Variants in ATP6V1A observed in about 807,000 individuals in gnomAD.
The protein encoded by ATP6V1A is V-type proton ATPase catalytic subunit A.
A neutral mutation model predicts 70.1 loss-of-function variants in ATP6V1A; 18 were observed. The ratio of observed to expected loss-of-function variants is 0.26; its 90% CI spans 0.18 to 0.38. ATP6V1A has a LOEUF of 0.38. ATP6V1A is among the 10% of genes least tolerant of loss of function. The pLI is 1.00. For missense variants in ATP6V1A, 424 were observed against 772.4 expected, an observed-to-expected ratio of 0.55 and a Z score of 5.35; for synonymous variants, 232 against 253.8, an observed-to-expected ratio of 0.91 and a Z score of 0.82.
intron 12 of ATP6V1A, among the ~76,000 whole-genome samples, chr3:113,801,827 A>T (rs556518142): frequency 6.6e-6 from 1 of 151,118 alleles, no homozygotes; most frequent in East Asian, 1.9e-4. Context: ...TAAAATATAT[A>T]TTTTACATGA....
intron 1 of ATP6V1A, among the ~76,000 whole-genome samples, chr3:113,751,936 G>A (rs1356443988): frequency 6.6e-6 from 1 of 151,600 alleles, no homozygotes; most frequent in East Asian, 1.9e-4. Context: ...AAAATTAATG[G>A]TATATCATAA....
At chr3:113,785,208 G>A (rs542098793) in intron 5 of ATP6V1A, among the ~76,000 whole-genome samples, 38 of 152,306 alleles carry the variant, frequency 2.5e-4, no homozygotes, top group Middle Eastern at 3.4e-3. Flanking sequence ...TTGGGAGGGC[G>A]AGATGGGCAG....
chr3:113,765,505 G>A (rs1708757930), intron 1 of ATP6V1A, among the ~76,000 whole-genome samples: 1 of 152,104 alleles, frequency 6.6e-6, no homozygotes, highest in Admixed American at 6.6e-5. Flanking sequence ...TTGGGAGGCT[G>A]AGGCAGGAAG....
intron 5 of ATP6V1A, 111 bp downstream of exon 5, chr3:113,784,944 G>T: frequency 8.6e-7 from 1 of 1,164,498 alleles, no homozygotes; most frequent in Non-Finnish European, 1.2e-6. Context: ...CATAAGTTTT[G>T]AGTAACTCCT....
At position 113,786,241 on chromosome 3, in the gene ATP6V1A, T is replaced by G. The variant is rs772767526; in HGVS notation, c.574T>G (p.Leu192Val). The G allele has an allele frequency of 1.9e-6, 3 of 1,608,066 alleles. No homozygotes were observed. The East Asian group carries it at 6.7e-5, about 36-fold the overall frequency. The change falls in exon 6 of 15, where the codon TTG becomes GTG. Residue 192 changes from leucine to valine, a missense_variant. By Grantham distance (32) the Leu-to-Val change is conservative. Transcript: ENST00000273398. ...TACTGTATTTCTATAGGATGTTGTC[T>G]TGGAGCTTGAATTTGAAGGTGTAAA... Reference protein sequence around the residue: ...PGNYDTSDVVLELEFEGVKEK... With the variant: ...PGNYDTSDVVVELEFEGVKEK...
intron 14 of ATP6V1A, among the ~76,000 whole-genome samples, chr3:113,808,033 G>A (rs562943058): frequency 6.6e-6 from 1 of 151,834 alleles, no homozygotes; most frequent in African/African-American, 2.4e-5. Flanking sequence ...AGGAGGCTGA[G>A]GCAGGAGAAT....
Position 113,796,063 on chromosome 3 carries a change from T to C in ATP6V1A, c.1290+124T>C, listed in dbSNP as rs1356966750. ...AATTTAGTCTCTAAAGGATAGGCAA[T>C]GGTAAAGTCTGGTTTAGAAACACTC... On this transcript the variant is annotated intron_variant, in intron 11 of 14. Transcript: ENST00000273398. 3.8e-6 allele frequency: 3 copies of C among 784,646 alleles called. No individual in the cohort carries two copies. In the African/African-American group the frequency reaches 5.3e-5, roughly 14 times the overall value. The allele number at this position is 784,646 out of a possible 1,614,324, so 48.6% of individuals were successfully genotyped here. A position where few individuals can be genotyped will look rare whatever the true frequency, so the allele number is the denominator to read the frequency against.
chr3:113,765,050 G>C (rs1446490688), intron 1 of ATP6V1A, among the ~76,000 whole-genome samples: 1 of 149,192 alleles, frequency 6.7e-6, no homozygotes, highest in Non-Finnish European at 1.5e-5. Context: ...GTTTCAGGTA[G>C]CTTTGTTGTT....
At chr3:113,748,295 G>T (rs1708546937) in intron 1 of ATP6V1A, among the ~76,000 whole-genome samples, 1 of 152,164 alleles carries the variant, frequency 6.6e-6, no homozygotes, top group East Asian at 1.9e-4. Context: ...CAAACAATGT[G>T]CTTTAGGGAA....
In ATP6V1A at chr3:113,802,592, G is replaced by A. The variant is rs1430197036; in HGVS notation, c.1495-991G>A. ...TCTGCCCACCTTGGCCTCCCAAAGT[G>A]CTGGGATTATAGGTGCGAGCCACAG... is the stretch of plus-strand genomic sequence containing the variant. On this transcript the variant is annotated intron_variant, in intron 12 of 14. Transcript: ENST00000273398. Among the ~76,000 whole-genome samples the A allele has an allele frequency of 2.6e-5, 4 of 152,166 alleles. No individual in the cohort carries two copies. In the East Asian group the frequency reaches 7.7e-4, roughly 29 times the overall value.
chr3:113,754,868 T>C (rs982716157), intron 1 of ATP6V1A, among the ~76,000 whole-genome samples: 4 of 152,232 alleles, frequency 2.6e-5, no homozygotes, highest in African/African-American at 9.6e-5. Context: ...TCTGTCCTTT[T>C]AAAAGTATCT....
intron 1 of ATP6V1A, among the ~76,000 whole-genome samples, chr3:113,769,787 C>G (rs1708813364): frequency 6.6e-6 from 1 of 152,160 alleles, no homozygotes; most frequent in East Asian, 1.9e-4. Flanking sequence ...GATTTTTCCT[C>G]TTCTACCACA....
intron 6 of ATP6V1A, among the ~76,000 whole-genome samples, chr3:113,787,954 T>A (rs1235117312): frequency 6.6e-6 from 1 of 152,214 alleles, no homozygotes; most frequent in African/African-American, 2.4e-5. Flanking sequence ...AGGTTATCAT[T>A]CTGTGACCCA....
At chr3:113,785,044 A>T (rs1559756377) in intron 5 of ATP6V1A, among the ~76,000 whole-genome samples, 2 of 152,268 alleles carry the variant, frequency 1.3e-5, no homozygotes, top group Non-Finnish European at 2.9e-5. Flanking sequence ...AAGAAATGTA[A>T]CAGTTTTCTA....
chr3:113,785,864 C>CTT (rs567833457), intron 5 of ATP6V1A, among the ~76,000 whole-genome samples: 19 of 130,802 alleles, frequency 1.5e-4, no homozygotes, highest in African/African-American at 2.8e-4. Flanking sequence ...TTCTTTCTTT[C>CTT]TTTTTTTTTT....
At chr3:113,759,986 A>G (rs1267232718) in intron 1 of ATP6V1A, among the ~76,000 whole-genome samples, 1 of 152,224 alleles carries the variant, frequency 6.6e-6, no homozygotes, top group African/African-American at 2.4e-5. Context: ...TTTTAATCAC[A>G]AGAGTAGTAA....
intron 1 of ATP6V1A, among the ~76,000 whole-genome samples, chr3:113,767,126 C>G (rs1371922107): frequency 7.8e-6 from 1 of 128,698 alleles, no homozygotes; most frequent in Non-Finnish European, 1.6e-5. Flanking sequence ...GAGTCTTGCT[C>G]TGGCGCCCAG....
chr3:113,757,541 T>G (rs757741746), intron 1 of ATP6V1A, among the ~76,000 whole-genome samples: 4 of 152,192 alleles, frequency 2.6e-5, no homozygotes, highest in Admixed American at 1.3e-4. Flanking sequence ...TTTCCTAAAT[T>G]CTCATTCAAC....
In ATP6V1A at chr3:113,805,495, C is replaced by T. The variant is rs1330154124; in HGVS notation, c.1731C>T (p.Ile577=). ...WSIIREHMGD[I]LYKLSSMKFK... Reference sequence around the variant, plus strand: ...TTATTCGTGAGCACATGGGAGACATCCTCTATAAACTTTCCTCCATGAAAT... The same window carrying T: ...TTATTCGTGAGCACATGGGAGACATTCTCTATAAACTTTCCTCCATGAAAT... The change falls in exon 14 of 15, where the codon ATC becomes ATT. Residue 577 remains isoleucine, a synonymous_variant. Transcript: ENST00000273398. 16 of 1,612,772 alleles carry T rather than the reference C, an allele frequency of 9.9e-6. No homozygotes were observed. The highest frequency in any genetic ancestry group is 1.2e-5 in the Non-Finnish European group (14 of 1,179,492).
Sources: gnomAD v4.1 joint callset for allele counts (sites outside exome capture counted in the v4.1 genomes callset) on GRCh38, gnomAD v4.1.1 for gene constraint, MANE v1.5 for transcripts, NCBI Gene and HGNC (gene_info 2026-07-23, HGNC 2026-07-21) for gene names.